The following ACTR1A variants were observed in gnomAD, a reference collection of about 807,000 sequenced individuals.
ACTR1A encodes the protein alpha-centractin.
A neutral mutation model predicts 50.7 loss-of-function variants in ACTR1A; 10 were observed. The ratio of observed to expected loss-of-function variants is 0.20; its 90% CI spans 0.12 to 0.33. The LOEUF (loss-of-function observed/expected upper bound fraction) is 0.33, where lower values mean the gene tolerates loss of function less well. Among genes scored for constraint, ACTR1A ranks in the 10% least tolerant of loss-of-function variants. The pLI, the probability that ACTR1A is intolerant of heterozygous loss-of-function variation, is 1.00. For missense variants in ACTR1A, 253 were observed against 491.7 expected (o/e 0.51, Z 4.59); for synonymous variants, 177 against 184.2 (o/e 0.96, Z 0.32).
chr10:102,484,040 AG>A, intron 6 of ACTR1A, 119 bp downstream of exon 6: 1 of 866,644 alleles, frequency 1.2e-6, no homozygotes, highest in Non-Finnish European at 1.8e-6. Flanking sequence ...GGGAAGAACA[AG>A]GCCTCACCAG....
At position 102,482,965 on chromosome 10, in the gene ACTR1A, C is replaced by G; in HGVS notation, c.750+46G>C. ...TGGAGAATTCTGGTTGGGCCCAGAG[C>G]TTTTGTGGACCTAAGGGGACCGAAG... is the stretch of plus-strand genomic sequence containing the variant. On this transcript the variant is annotated intron_variant, in intron 7 of 10. Transcript: ENST00000369905. This position sits in a 1 kb window ranked among gnomAD's most constrained non-coding sequence, Gnocchi z 5.6. The G allele has an allele frequency of 6.7e-7, 1 of 1,499,212 alleles. No individual in the cohort carries two copies. The highest frequency in any genetic ancestry group is 9.3e-7 in the Non-Finnish European group (1 of 1,075,990). The allele number at this position is 1,499,212 out of a possible 1,614,324, so 92.9% of individuals were successfully genotyped here.
At chr10:102,493,230 C>T (rs1424627987) in intron 1 of ACTR1A, among the ~76,000 whole-genome samples, 1 of 152,140 alleles carries the variant, frequency 6.6e-6, no homozygotes, top group Non-Finnish European at 1.5e-5. Context: ...AATTTGCCTA[C>T]AAACCCAAGG....
chr10:102,487,852 C>T (rs928852569), intron 4 of ACTR1A, among the ~76,000 whole-genome samples: 5 of 151,992 alleles, frequency 3.3e-5, no homozygotes, highest in Non-Finnish European at 5.9e-5. Flanking sequence ...AGGATGGTCT[C>T]GATCTCCTGA....
chr10:102,502,684 C>T lies in ACTR1A; in HGVS notation c.-37G>A, dbSNP rs537890432. On this transcript the variant is annotated 5_prime_UTR_variant, in exon 1 of 11. Coordinates refer to ENST00000369905, the MANE Select transcript of ACTR1A (RefSeq NM_005736.4). ...CTCTCCTTCTGGGGAAGGAACTGCC[C>T]AGCCGGGTCCGCCGCTAGCGCCACT... 6.2e-7 allele frequency: 1 copy of T among 1,612,060 alleles called. No individual in the cohort carries two copies. The highest frequency in any genetic ancestry group is 1.3e-5 in the African/African-American group (1 of 75,030).
Position 102,480,858 on chromosome 10 carries a change from C to T in ACTR1A, c.*5G>A, listed in dbSNP as rs377662971. 131 of 1,608,004 alleles carry T rather than the reference C, an allele frequency of 8.1e-5. No homozygotes were observed. Among genetic ancestry groups the T allele is most frequent in the Non-Finnish European group, 1.0e-4 (118 of 1,174,690 alleles). On this transcript the variant is annotated 3_prime_UTR_variant, in exon 11 of 11. Transcript: ENST00000369905. Reference sequence around the variant, plus strand: ...TCAGAGAGAGGTGAAGATGATGTCCCGACATTAGAAGGTTTTTCTGTGGAT... The same window carrying T: ...TCAGAGAGAGGTGAAGATGATGTCCTGACATTAGAAGGTTTTTCTGTGGAT...
intron 5 of ACTR1A, among the ~76,000 whole-genome samples, chr10:102,484,656 G>A (rs1474575223): frequency 2.6e-5 from 4 of 152,184 alleles, no homozygotes; most frequent in African/African-American, 9.7e-5. Flanking sequence ...CAGAGACCCA[G>A]CCTAGGGGCC....
chr10:102,499,949 A>C (rs1270458427), intron 1 of ACTR1A, among the ~76,000 whole-genome samples: 1 of 152,246 alleles, frequency 6.6e-6, no homozygotes, highest in Non-Finnish European at 1.5e-5. Flanking sequence ...AAAAACATTT[A>C]TTGAGCACAC....
chr10:102,484,358 G>A lies in ACTR1A; in HGVS notation c.459C>T (p.Thr153=), dbSNP rs2062157040. The A allele has an allele frequency of 6.2e-7, 1 of 1,614,140 alleles. No individual in the cohort carries two copies. Among genetic ancestry groups the A allele is most frequent in the Non-Finnish European group, 8.5e-7 (1 of 1,180,004 alleles). The change falls in exon 6 of 11, where the codon ACC becomes ACT. Residue 153 remains threonine (T), a synonymous_variant. Coordinates refer to ENST00000369905, the MANE Select transcript of ACTR1A (RefSeq NM_005736.4). The part of the protein sequence containing the change: ...AVLSLYATGR[T]TGVVLDSGDG... ...CCCCAGAATCCAGCACCACCCCTGT[G>A]GTCCTGCCTGTAGCGTAACTGAAGC...
In ACTR1A at chr10:102,480,181, A is replaced by G. The variant is rs2062131310; in HGVS notation, c.*682T>C. On this transcript the variant is annotated 3_prime_UTR_variant, in exon 11 of 11. Transcript: ENST00000369905. ...CCTTAAACTCTCCCAAGGCCCCCGA[A>G]AGGGGACTGGGCTGGGAACATTAAC... The G allele has an allele frequency of 6.3e-6, 1 of 159,426 alleles. No homozygotes were observed. Among genetic ancestry groups the G allele is most frequent in the Non-Finnish European group, 1.4e-5 (1 of 71,962 alleles). The allele number at this position is 159,426 out of a possible 1,614,324, so 9.9% of individuals were successfully genotyped here.
At position 102,500,593 on chromosome 10, in the gene ACTR1A, AAACAAAC is replaced by A. The variant is rs1288293913; in HGVS notation, c.48+2000_48+2006del. ...AAAACAAACAAACAAACAAACAAAC[AAACAAAC>A]AAACAAAAATTAGCCAGGCGTGGTG... On this transcript the variant is annotated intron_variant, in intron 1 of 10. Coordinates refer to ENST00000369905, the MANE Select transcript of ACTR1A (RefSeq NM_005736.4). 4.7e-3 allele frequency among the ~76,000 whole-genome samples: 697 copies of A among 147,292 alleles called. 8 individuals are homozygous for A. Among genetic ancestry groups the A allele is most frequent in the African/African-American group, 0.016 (637 of 40,382 alleles).
In ACTR1A at chr10:102,484,434, C is replaced by T. The variant is rs188039555; in HGVS notation, c.441-58G>A. The T allele has an allele frequency of 5.6e-5, 80 of 1,430,844 alleles. 1 individual carries two copies. In the East Asian group the frequency reaches 1.6e-3, roughly 29 times the overall value. 88.6% of individuals were successfully genotyped at this position (1,430,844 alleles called of 1,614,324 possible). A position where few individuals can be genotyped will look rare whatever the true frequency, so the allele number is the denominator to read the frequency against. On this transcript the variant is annotated intron_variant, in intron 5 of 10. Transcript: ENST00000369905. ...TGCCTCCTCACGCTGGGAAGAAATA[C>T]ACTTCTTTATTTAGGGTTCAATGTC...
In ACTR1A at chr10:102,479,294, G is replaced by C. The variant is rs1475151662; in HGVS notation, c.*1569C>G. On this transcript the variant is annotated 3_prime_UTR_variant, in exon 11 of 11. Coordinates refer to ENST00000369905, the MANE Select transcript of ACTR1A (RefSeq NM_005736.4). This position sits in a 1 kb window ranked among gnomAD's most constrained non-coding sequence, Gnocchi z 4.0. The stretch of plus-strand genomic sequence containing the variant: ...CCCCACCAGGCAATGTGGTTTGTGC[G>C]AGGCTGTGCGAGGGACAGGCTTGGG... 2.3e-6 allele frequency: 1 copy of C among 443,388 alleles called. No homozygotes were observed. The highest frequency in any genetic ancestry group is 7.2e-5 in the East Asian group (1 of 13,814). The allele number at this position is 443,388 out of a possible 1,614,324, so 27.5% of individuals were successfully genotyped here.
In ACTR1A at chr10:102,500,032, T is replaced by A. The variant is rs1375699392; in HGVS notation, c.48+2568A>T. ...GTGAAGTGAGACTAAAGGAATATCATCTTTCTTAAATTTTTTTTCCCAACA... is the reference window on the plus strand; with the variant it reads ...GTGAAGTGAGACTAAAGGAATATCAACTTTCTTAAATTTTTTTTCCCAACA... On this transcript the variant is annotated intron_variant, in intron 1 of 10. Coordinates refer to ENST00000369905, the MANE Select transcript of ACTR1A (RefSeq NM_005736.4). Among the ~76,000 whole-genome samples, 4 of 152,210 alleles carry A rather than the reference T, an allele frequency of 2.6e-5. No homozygotes were observed. The East Asian group carries it at 7.7e-4, about 29-fold the overall frequency.
At chr10:102,481,042 A>T in intron 10 of ACTR1A, 77 bp from the exon 11 acceptor site, 1 of 1,586,138 alleles carries the variant, frequency 6.3e-7, no homozygotes, top group East Asian at 2.2e-5. Flanking sequence ...CCTGGGGCCA[A>T]ACCAAATCAG....
chr10:102,494,636 A>AAACCAACC (rs200989563), intron 1 of ACTR1A, among the ~76,000 whole-genome samples: 1 of 150,564 alleles, frequency 6.6e-6, no homozygotes, highest in African/African-American at 2.5e-5. Flanking sequence ...CCCTGTCTCA[A>AAACCAACC]AACCAACCAA....
intron 6 of ACTR1A, 93 bp from the exon 7 acceptor site, chr10:102,483,196 G>T: frequency 1.0e-6 from 1 of 974,024 alleles, no homozygotes; most frequent in Non-Finnish European, 1.7e-6. Flanking sequence ...GCACAAACCT[G>T]TCTAAACGTT....
rs1408718488 is a variant in ACTR1A, at chr10:102,490,541, T to C, written c.113+8A>G. Reference sequence around the variant, plus strand: ...CCTCCAAAACGTCTAAGCTACAGAATGACTTACTAGTTTGGAAAGCAGTAT... The same window carrying C: ...CCTCCAAAACGTCTAAGCTACAGAACGACTTACTAGTTTGGAAAGCAGTAT... On this transcript the variant is annotated splice_region_variant and intron_variant, in intron 2 of 10. Coordinates refer to ENST00000369905, the MANE Select transcript of ACTR1A (RefSeq NM_005736.4). 4.3e-6 allele frequency: 7 copies of C among 1,610,414 alleles called. No individual in the cohort carries two copies. Among genetic ancestry groups the C allele is most frequent in the Non-Finnish European group, 5.9e-6 (7 of 1,176,718 alleles).
At chr10:102,483,279 G>A (rs1807649147) in intron 6 of ACTR1A, 176 bp from the exon 7 acceptor site, 1 of 606,762 alleles carries the variant, frequency 1.6e-6, no homozygotes, top group African/African-American at 1.8e-5. Flanking sequence ...GCCTTCACTG[G>A]GTGGCATTTA....
At chr10:102,489,350 A>G (rs2062182120) in intron 2 of ACTR1A, among the ~76,000 whole-genome samples, 1 of 151,872 alleles carries the variant, frequency 6.6e-6, no homozygotes, top group South Asian at 2.1e-4. Context: ...CATATTTTAT[A>G]TTTATTATAA....
Sources: allele counts gnomAD v4.1 joint callset (sites outside exome capture counted in the v4.1 genomes callset), GRCh38; gene constraint gnomAD v4.1.1; non-coding constraint Gnocchi (gnomAD v3.1); transcripts MANE v1.5; gene names NCBI Gene and HGNC (gene_info 2026-07-23, HGNC 2026-07-21).